Variants in KCNAB1 observed in about 807,000 individuals in gnomAD.
KCNAB1 encodes voltage-gated potassium channel subunit beta-1.
A neutral mutation model predicts 64.6 loss-of-function variants in KCNAB1; 35 were observed. The ratio of observed to expected loss-of-function variants is 0.54; its 90% CI spans 0.41 to 0.72. The LOEUF (loss-of-function observed/expected upper bound fraction) is 0.72. Ranked by LOEUF, KCNAB1 falls within the 30% of genes least tolerant of loss-of-function variation. The pLI is 0.00. For synonymous variants in KCNAB1, 177 were observed against 183.8 expected, an observed-to-expected ratio of 0.96 and a Z score of 0.30; for missense variants, 401 against 512.9, an observed-to-expected ratio of 0.78 and a Z score of 2.11.
At chr3:156,275,293 A>G (rs1242387321) in intron 1 of KCNAB1, among the ~76,000 whole-genome samples, 1 of 152,242 alleles carries the variant, frequency 6.6e-6, no homozygotes, top group African/African-American at 2.4e-5. Flanking sequence ...ATTTAAAAAT[A>G]CTTTATTGCT....
At chr3:156,503,313 TAAA>T (rs1397110635) in intron 8 of KCNAB1, among the ~76,000 whole-genome samples, 1 of 152,194 alleles carries the variant, frequency 6.6e-6, no homozygotes. Flanking sequence ...GGGGTGGTGA[TAAA>T]AGAATTACAG....
intron 1 of KCNAB1, among the ~76,000 whole-genome samples, chr3:156,225,819 C>T (rs9837593): frequency 0.55 from 83,760 of 151,960 alleles, 24,041 homozygotes; most frequent in East Asian, 0.9. Context: ...ACTCCTTTCA[C>T]GATAGCTGCA....
Position 156,126,424 on chromosome 3 carries a change from G to A in KCNAB1, c.275+5538G>A, listed in dbSNP as rs146820051. The stretch of plus-strand genomic sequence containing the variant: ...TGTAGGAGAAAGCTGATCTGTGGAT[G>A]TTTTTAGGCAAAGGGGAGGAGTCCA... On this transcript the variant is annotated intron_variant, in intron 1 of 13. Coordinates refer to ENST00000490337, the MANE Select transcript of KCNAB1 (RefSeq NM_172160.3). Among the ~76,000 whole-genome samples the A allele has an allele frequency of 3.2e-3, 488 of 152,296 alleles. 3 individuals are homozygous for A. The highest frequency in any genetic ancestry group is 0.011 in the African/African-American group (460 of 41,558).
At chr3:156,348,932 AT>A (rs1181891433) in intron 1 of KCNAB1, among the ~76,000 whole-genome samples, 1 of 152,154 alleles carries the variant, frequency 6.6e-6, no homozygotes, top group African/African-American at 2.4e-5. Context: ...CACTGACTGT[AT>A]TTTGATGCTG....
At chr3:156,460,090 A>G (rs1470043355) in intron 5 of KCNAB1, 2 of 491,534 alleles carry the variant, frequency 4.1e-6, no homozygotes, top group Non-Finnish European at 7.2e-6. Context: ...ATTACCAAAG[A>G]GTTGAGCAGA....
intron 1 of KCNAB1, among the ~76,000 whole-genome samples, chr3:156,297,760 G>A (rs541131341): frequency 6.6e-6 from 1 of 151,032 alleles, no homozygotes; most frequent in South Asian, 2.1e-4. Context: ...CACTTAGCGC[G>A]TGTGTGTGTG....
rs569174418 is a variant in KCNAB1, at chr3:156,239,896, A to G, written c.275+119010A>G. On this transcript the variant is annotated intron_variant, in intron 1 of 13. Coordinates refer to ENST00000490337, the MANE Select transcript of KCNAB1 (RefSeq NM_172160.3). Reference sequence around the variant, plus strand: ...AGAGTATTTGCTTAGAAAAGGGATTAAAAACACCTGTGATGGGTTGAGGTG... The same window carrying G: ...AGAGTATTTGCTTAGAAAAGGGATTGAAAACACCTGTGATGGGTTGAGGTG... Among the ~76,000 whole-genome samples the G allele has an allele frequency of 8.5e-4, 130 of 152,272 alleles. 1 individual carries two copies. In the South Asian group the frequency reaches 0.02, roughly 24 times the overall value.
At chr3:156,238,104 CCAAA>C (rs374162432) in intron 1 of KCNAB1, among the ~76,000 whole-genome samples, 98 of 152,194 alleles carry the variant, frequency 6.4e-4, no homozygotes, top group African/African-American at 2.2e-3. Flanking sequence ...CCATGGCTGG[CCAAA>C]CAGACAAAGC....
intron 7 of KCNAB1, among the ~76,000 whole-genome samples, chr3:156,472,421 C>T (rs11926376): frequency 0.099 from 15,000 of 152,220 alleles, 831 homozygotes; most frequent in Middle Eastern, 0.16. Flanking sequence ...ATCTCCTCCT[C>T]ACTCGACCCT....
rs147332898 is a variant in KCNAB1, at chr3:156,218,798, A to ATAAT, written c.275+97912_275+97913insTAAT. ...AGACCCAGAACAGCAAAAAAAAAAA[A>ATAAT]AAAAATAATAATAAAATAAAATAAA... On this transcript the variant is annotated intron_variant, in intron 1 of 13. Transcript: ENST00000490337. Among the ~76,000 whole-genome samples, 338 of 37,332 alleles carry ATAAT rather than the reference A, an allele frequency of 9.1e-3. 1 individual carries two copies. Among genetic ancestry groups the ATAAT allele is most frequent in the South Asian group, 0.049 (66 of 1,334 alleles). 24.5% of individuals were successfully genotyped at this position (37,332 alleles called of 152,430 possible). A position where few individuals can be genotyped will look rare whatever the true frequency, so the allele number is the denominator to read the frequency against.
chr3:156,378,737 T>C (rs913629904), intron 1 of KCNAB1, among the ~76,000 whole-genome samples: 1 of 152,132 alleles, frequency 6.6e-6, no homozygotes. Flanking sequence ...GAACCCAACA[T>C]AGTGCCTGGG....
At chr3:156,504,646 CA>C (rs1469716576) in intron 8 of KCNAB1, among the ~76,000 whole-genome samples, 1 of 151,544 alleles carries the variant, frequency 6.6e-6, no homozygotes, top group Non-Finnish European at 1.5e-5. Context: ...TTTTTAGAGA[CA>C]GGGGCTTCCT....
chr3:156,127,452 C>T (rs1468143480), intron 1 of KCNAB1, among the ~76,000 whole-genome samples: 1 of 152,132 alleles, frequency 6.6e-6, no homozygotes, highest in Non-Finnish European at 1.5e-5. Flanking sequence ...ATGTAGTTTA[C>T]TGTGATTTTA....
rs1482946927 is a variant in KCNAB1 at position 156,465,636 on chromosome 3, T to G, written c.528-7T>G. 6.2e-7 allele frequency: 1 copy of G among 1,612,330 alleles called. No individual in the cohort carries two copies. The highest frequency in any genetic ancestry group is 1.7e-5 in the Admixed American group (1 of 59,980). The stretch of plus-strand genomic sequence containing the variant: ...ATTCAAAGTTATTTGCTTCTTTTTC[T>G]TGGCAGAGCTGAAACAGAAAGAGGG... On this transcript the variant is annotated splice_region_variant and splice_polypyrimidine_tract_variant and intron_variant, in intron 6 of 13. Transcript: ENST00000490337.
chr3:156,196,969 A>G (rs1713991534), intron 1 of KCNAB1, among the ~76,000 whole-genome samples: 1 of 152,230 alleles, frequency 6.6e-6, no homozygotes, highest in South Asian at 2.1e-4. Flanking sequence ...ATTTTGAGAT[A>G]CATTCCATCA....
chr3:156,210,176 T>C (rs952034897), intron 1 of KCNAB1, among the ~76,000 whole-genome samples: 4 of 152,124 alleles, frequency 2.6e-5, no homozygotes, highest in African/African-American at 9.7e-5. Context: ...CAGGAAGGCA[T>C]GGGCAGCTCG....
intron 1 of KCNAB1, among the ~76,000 whole-genome samples, chr3:156,200,973 C>T (rs1324938973): frequency 2.0e-5 from 3 of 152,200 alleles, no homozygotes; most frequent in African/African-American, 7.2e-5. Context: ...GAGGGAATGT[C>T]CTTGGGTGGT....
At chr3:156,352,807 T>G (rs556897417) in intron 1 of KCNAB1, among the ~76,000 whole-genome samples, 1 of 152,328 alleles carries the variant, frequency 6.6e-6, no homozygotes, top group South Asian at 2.1e-4. Flanking sequence ...GGTGTCAGCC[T>G]GGGCCCAGCT....
chr3:156,189,794 A>G (rs1713442118), intron 1 of KCNAB1, among the ~76,000 whole-genome samples: 1 of 152,166 alleles, frequency 6.6e-6, no homozygotes, highest in African/African-American at 2.4e-5. Context: ...TACAGGCAAT[A>G]TGGGAGCCTC....
Sources: gnomAD v4.1 joint callset for allele counts (sites outside exome capture counted in the v4.1 genomes callset) on GRCh38, gnomAD v4.1.1 for gene constraint, MANE v1.5 for transcripts, NCBI Gene and HGNC (gene_info 2026-07-23, HGNC 2026-07-21) for gene names.